The following EFL1 variants were observed in gnomAD, a reference collection of about 807,000 sequenced individuals.
EFL1 encodes elongation factor-like GTPase 1.
EFL1 carries 76 observed loss-of-function variants against 126.7 expected under a neutral mutation model. That is an observed-to-expected ratio of 0.60 (90% CI 0.50 to 0.73). The LOEUF (loss-of-function observed/expected upper bound fraction) is 0.73. Among genes scored for constraint, EFL1 ranks in the 30% least tolerant of loss-of-function variants. The probability of loss-of-function intolerance (pLI) is 0.00; values close to 1 mark genes in which losing one functional copy is unlikely to be tolerated. For missense variants in EFL1, 1,128 were observed against 1,343.2 expected, an observed-to-expected ratio of 0.84 and a Z score of 2.50; for synonymous variants, 410 against 448.4, an observed-to-expected ratio of 0.91 and a Z score of 1.08.
At chr15:82,218,309 G>GT (rs930180670) in intron 14 of EFL1, among the ~76,000 whole-genome samples, 8 of 151,466 alleles carry the variant, frequency 5.3e-5, no homozygotes, top group Admixed American at 1.3e-4. Flanking sequence ...AATATTTCAG[G>GT]TTTTTTTTTA....
chr15:82,245,205 G>A (rs1356907470), intron 4 of EFL1, among the ~76,000 whole-genome samples: 1 of 152,028 alleles, frequency 6.6e-6, no homozygotes, highest in Non-Finnish European at 1.5e-5. Flanking sequence ...CAGGCTGGAT[G>A]CAGTGGCACA....
At chr15:82,196,830 G>A (rs1279117560) in intron 15 of EFL1, among the ~76,000 whole-genome samples, 1 of 152,140 alleles carries the variant, frequency 6.6e-6, no homozygotes, top group Non-Finnish European at 1.5e-5. Flanking sequence ...TCAGGAGTTC[G>A]AGACCAGCCT....
Position 82,135,231 on chromosome 15 carries a change from G to A in EFL1, c.3174+3427C>T, listed in dbSNP as rs765293981. Reference sequence around the variant, plus strand: ...ATTTAAGAGACTTATTTTTAATAACGAGATGTAGCTAAGCCAGAAAGTAAT... The same window carrying A: ...ATTTAAGAGACTTATTTTTAATAACAAGATGTAGCTAAGCCAGAAAGTAAT... On this transcript the variant is annotated intron_variant, in intron 19 of 19. Transcript: ENST00000268206. Among the ~76,000 whole-genome samples the A allele has an allele frequency of 3.3e-5, 5 of 151,540 alleles. No individual in the cohort carries two copies. The South Asian group carries it at 8.3e-4, about 25-fold the overall frequency.
At chr15:82,246,410 C>A (rs182382201) in intron 4 of EFL1, among the ~76,000 whole-genome samples, 2 of 152,122 alleles carry the variant, frequency 1.3e-5, no homozygotes, top group Non-Finnish European at 2.9e-5. Context: ...GGTCATAGAT[C>A]AAGGACCAAT....
chr15:82,187,422 A>G (rs2074315131), intron 15 of EFL1, among the ~76,000 whole-genome samples: 9 of 152,186 alleles, frequency 5.9e-5, no homozygotes, highest in Admixed American at 5.9e-4. Flanking sequence ...TATCTAGCTG[A>G]TTAGAATTAT....
chr15:82,188,413 C>T (rs1407663515), intron 15 of EFL1, among the ~76,000 whole-genome samples: 2 of 151,824 alleles, frequency 1.3e-5, no homozygotes, highest in African/African-American at 4.8e-5. Flanking sequence ...TTCTTCATTC[C>T]TTTCTAGAAA....
At chr15:82,180,660 A>C (rs1343792581) in intron 15 of EFL1, among the ~76,000 whole-genome samples, 1 of 152,198 alleles carries the variant, frequency 6.6e-6, no homozygotes, top group Non-Finnish European at 1.5e-5. Context: ...TAATCATATA[A>C]GATCCTTCCC....
intron 2 of EFL1, among the ~76,000 whole-genome samples, chr15:82,260,580 T>G (rs1025937375): frequency 2.6e-5 from 4 of 152,262 alleles, no homozygotes; most frequent in Non-Finnish European, 4.4e-5. Context: ...ATGATCGTTT[T>G]CATGGTGAAG....
intron 15 of EFL1, among the ~76,000 whole-genome samples, chr15:82,198,698 A>G (rs2141279098): frequency 6.6e-6 from 1 of 152,262 alleles, no homozygotes; most frequent in South Asian, 2.1e-4. Context: ...GGAAGGCCAT[A>G]GAGATTCATC....
chr15:82,225,213 G>A lies in EFL1; in HGVS notation c.1244C>T (p.Ser415Phe). The A allele has an allele frequency of 6.2e-7, 1 of 1,611,128 alleles. No homozygotes were observed. The highest frequency in any genetic ancestry group is 2.2e-5 in the East Asian group (1 of 44,670). ...CTTAGCATCAACTGCAAACATTTTGGAAACAAATATAATAACTGGAGCAGT... is the reference window on the plus strand; with the variant it reads ...CTTAGCATCAACTGCAAACATTTTGAAAACAAATATAATAACTGGAGCAGT... Reference protein sequence around the residue: ...EDTAPVIIFVSKMFAVDAKAL... With the variant: ...EDTAPVIIFVFKMFAVDAKAL... Residue 415 changes from serine to phenylalanine, a missense_variant, in exon 12 of 20, where the codon TCC becomes TTC. This residue lies in a region of EFL1 where 316 missense variants were observed against 318.5 expected (regional missense o/e 0.99). Coordinates refer to ENST00000268206, the MANE Select transcript of EFL1 (RefSeq NM_024580.6).
At chr15:82,192,763 AC>A (rs2141272914) in intron 15 of EFL1, among the ~76,000 whole-genome samples, 1 of 152,332 alleles carries the variant, frequency 6.6e-6, no homozygotes, top group South Asian at 2.1e-4. Context: ...GTGGCTCTTG[AC>A]ACCACGTAAG....
chr15:82,149,141 T>TAA (rs2073881219), intron 18 of EFL1, among the ~76,000 whole-genome samples: 1 of 152,164 alleles, frequency 6.6e-6, no homozygotes, highest in Admixed American at 6.5e-5. Flanking sequence ...AAGATGGTGG[T>TAA]GATGTGACTT....
chr15:82,207,941 G>A (rs2074543768), intron 15 of EFL1, among the ~76,000 whole-genome samples: 1 of 152,020 alleles, frequency 6.6e-6, no homozygotes, highest in Non-Finnish European at 1.5e-5. Flanking sequence ...GGCTGGTTTT[G>A]AACTCCTGAC....
At chr15:82,142,335 T>C (rs1225967955) in intron 18 of EFL1, among the ~76,000 whole-genome samples, 1 of 152,044 alleles carries the variant, frequency 6.6e-6, no homozygotes, top group Admixed American at 6.6e-5. Flanking sequence ...TAAAAAAATT[T>C]AAAAATTAGC....
At chr15:82,135,230 C>T (rs761701318) in intron 19 of EFL1, among the ~76,000 whole-genome samples, 17 of 151,996 alleles carry the variant, frequency 1.1e-4, no homozygotes, top group South Asian at 8.3e-4. Context: ...TTTTTAATAA[C>T]GAGATGTAGC....
chr15:82,221,136 C>G, intron 12 of EFL1, among the ~76,000 whole-genome samples: 1 of 152,184 alleles, frequency 6.6e-6, no homozygotes, highest in Non-Finnish European at 1.5e-5. Context: ...TCCTCTGGTC[C>G]TAACTTTATG....
chr15:82,233,026 T>C (rs932434096), intron 7 of EFL1, among the ~76,000 whole-genome samples: 7 of 152,202 alleles, frequency 4.6e-5, no homozygotes, highest in Admixed American at 2.0e-4. Context: ...AAGATTTTTA[T>C]AAATAAACAC....
chr15:82,204,521 T>A (rs536924098), intron 15 of EFL1, among the ~76,000 whole-genome samples: 1 of 152,366 alleles, frequency 6.6e-6, no homozygotes, highest in Non-Finnish European at 1.5e-5. Context: ...CTTGCTTTTC[T>A]GTTGGAAAAA....
rs1320917379 is a variant in EFL1 at position 82,245,952 on chromosome 15, A to G, written c.245-4549T>C. Among the ~76,000 whole-genome samples, 14 of 151,054 alleles carry G rather than the reference A, an allele frequency of 9.3e-5. No homozygotes were observed. The East Asian group carries it at 2.3e-3, about 25-fold the overall frequency. On this transcript the variant is annotated intron_variant, in intron 4 of 19. Coordinates refer to ENST00000268206, the MANE Select transcript of EFL1 (RefSeq NM_024580.6). ...TTGTCTTAAAAAAAAAAAAAAAGTG[A>G]CAGGGGTTAGGAAAATGAGAGGAAA...
Sources: allele counts gnomAD v4.1 joint callset (sites outside exome capture counted in the v4.1 genomes callset), GRCh38; gene constraint gnomAD v4.1.1; regional missense constraint gnomAD v4.1.1; transcripts MANE v1.5; gene names NCBI Gene and HGNC (gene_info 2026-07-23, HGNC 2026-07-21).